The following PCDHGA9 variants were observed in gnomAD, a reference collection of about 807,000 sequenced individuals.
The protein encoded by PCDHGA9 is protocadherin gamma-A9.
Under a neutral mutation model 62.5 loss-of-function variants are expected in PCDHGA9, and 37 were observed. The observed-to-expected ratio is 0.59, with a 90% CI of 0.46 to 0.78. The LOEUF is 0.78. Ranked by LOEUF, PCDHGA9 falls within the 30% of genes least tolerant of loss-of-function variation. PCDHGA9 has a pLI of 0.00. For synonymous variants in PCDHGA9, 459 were observed against 484.6 expected (o/e 0.95, Z 0.69); for missense variants, 1,138 against 1,166.2 (o/e 0.98, Z 0.35).
At chr5:141,437,761 C>G (rs1200327020) in intron 1 of PCDHGA9, among the ~76,000 whole-genome samples, 3 of 144,682 alleles carry the variant, frequency 2.1e-5, no homozygotes, top group Admixed American at 7.0e-5. Flanking sequence ...TTTTTTGAGA[C>G]AGAGTCTCAA....
At position 141,511,345 on chromosome 5, in the gene PCDHGA9, T is replaced by A; in HGVS notation, c.*172T>A. The A allele has an allele frequency of 7.8e-6, 11 of 1,410,508 alleles. No individual in the cohort carries two copies. The highest frequency in any genetic ancestry group is 1.0e-5 in the Non-Finnish European group (11 of 1,060,682). 87.4% of individuals were successfully genotyped at this position (1,410,508 alleles called of 1,614,324 possible). ...AAGTGCCCAGTCAGCACCTACCCCT[T>A]CCCCCCCAGGGGGTTGAATATGCAA... On this transcript the variant is annotated 3_prime_UTR_variant, in exon 4 of 4. Transcript: ENST00000573521.
chr5:141,421,574 A>C, intron 1 of PCDHGA9: 1 of 1,613,924 alleles, frequency 6.2e-7, no homozygotes. Flanking sequence ...GACACCTTGA[A>C]GATTTACGGA....
chr5:141,440,373 G>A (rs866892003), intron 1 of PCDHGA9: 2 of 152,214 alleles, frequency 1.3e-5, no homozygotes, highest in Non-Finnish European at 2.9e-5. Context: ...GGCCGAGGCA[G>A]GAGAATCGCT....
intron 1 of PCDHGA9, chr5:141,441,162 G>T (rs1009205566): frequency 6.6e-6 from 1 of 152,166 alleles, no homozygotes; most frequent in African/African-American, 2.4e-5. Context: ...TCCTAGAGGC[G>T]ATTTTTACTT....
chr5:141,478,418 C>T, intron 1 of PCDHGA9: 1 of 1,613,650 alleles, frequency 6.2e-7, no homozygotes, highest in Non-Finnish European at 8.5e-7. Context: ...GGACTCCCGC[C>T]GCAGCGACCC....
intron 1 of PCDHGA9, chr5:141,423,106 G>A (rs562864937): frequency 1.2e-6 from 2 of 1,613,894 alleles, no homozygotes; most frequent in Admixed American, 1.7e-5. Context: ...CACGGGCGAG[G>A]TGCGTACAGC....
rs753030509 is a variant in PCDHGA9, at chr5:141,431,672, G to A, written c.2424+26296G>A. On this transcript the variant is annotated intron_variant, in intron 1 of 3. Transcript: ENST00000573521. The surrounding 1 kb of genome is among the most constrained non-coding windows in gnomAD (Gnocchi z 4.8). ...TAATTCAGGGACAATATCAACAATA[G>A]GGGAGTTGGACCACGAGGAGTCAGG... The A allele has an allele frequency of 9.3e-6, 15 of 1,614,110 alleles. No homozygotes were observed. Among genetic ancestry groups the A allele is most frequent in the African/African-American group, 4.0e-5 (3 of 74,948 alleles).
intron 1 of PCDHGA9, among the ~76,000 whole-genome samples, chr5:141,463,380 A>G (rs994170903): frequency 2.0e-5 from 3 of 149,876 alleles, no homozygotes; most frequent in Admixed American, 6.7e-5. Context: ...ACAGTCTGAA[A>G]GTTGTCTCCA....
In PCDHGA9 at chr5:141,414,114, T is replaced by C. The variant is rs145910780; in HGVS notation, c.2424+8738T>C. The C allele has an allele frequency of 2.0e-5, 32 of 1,592,348 alleles. 2 individuals carry two copies. In the East Asian group the frequency reaches 6.3e-4, roughly 32 times the overall value. ...TAAAAATATCAGAAAATCTAGATTA[T>C]GAAGAAACCGGTTTCTATGAAATAG... On this transcript the variant is annotated intron_variant, in intron 1 of 3. Coordinates refer to ENST00000573521, the MANE Select transcript of PCDHGA9 (RefSeq NM_018921.3).
chr5:141,501,017 C>T (rs1383853662), intron 2 of PCDHGA9, among the ~76,000 whole-genome samples: 5 of 151,866 alleles, frequency 3.3e-5, no homozygotes, highest in African/African-American at 7.3e-5. Flanking sequence ...TACAGGCACG[C>T]GCCACCACGC....
Position 141,405,106 on chromosome 5 carries a change from C to G in PCDHGA9, c.2154C>G (p.His718Gln). Reference protein sequence around the residue: ...VITLLALRLRHWHSSHLLRAT... With the variant: ...VITLLALRLRQWHSSHLLRAT... ...CGCTGCTGGCCCTCAGGCTGAGGCACTGGCACTCCTCGCATCTGCTGCGGG... is the reference window on the plus strand; with the variant it reads ...CGCTGCTGGCCCTCAGGCTGAGGCAGTGGCACTCCTCGCATCTGCTGCGGG... Residue 718 changes from histidine (H) to glutamine (Q), a missense_variant, in exon 1 of 4, where the codon CAC becomes CAG. By Grantham distance (24) the His-to-Gln change is conservative. Transcript: ENST00000573521. 6.2e-7 allele frequency: 1 copy of G among 1,613,964 alleles called. No individual in the cohort carries two copies. The highest frequency in any genetic ancestry group is 8.5e-7 in the Non-Finnish European group (1 of 1,179,840).
Position 141,414,015 on chromosome 5 carries a change from A to T in PCDHGA9, c.2424+8639A>T. ...ACAGGGACGAAGGTGCCAATGGAGA[A>T]GTGACATATTCATTCCGAAAATTAC... On this transcript the variant is annotated intron_variant, in intron 1 of 3. Coordinates refer to ENST00000573521, the MANE Select transcript of PCDHGA9 (RefSeq NM_018921.3). 6.2e-7 allele frequency: 1 copy of T among 1,613,160 alleles called. No individual in the cohort carries two copies.
At position 141,423,563 on chromosome 5, in the gene PCDHGA9, C is replaced by T. The variant is rs745802952; in HGVS notation, c.2424+18187C>T. 9.9e-6 allele frequency: 16 copies of T among 1,613,436 alleles called. No homozygotes were observed. In the Admixed American group the frequency reaches 2.3e-4, roughly 24 times the overall value. ...TTCCCCCAGCCCAACTATGGGGACA[C>T]GCTCATCAGCCAGGAGAGCTGTGAG... On this transcript the variant is annotated intron_variant, in intron 1 of 3. Coordinates refer to ENST00000573521, the MANE Select transcript of PCDHGA9 (RefSeq NM_018921.3).
At chr5:141,434,136 TC>T (rs2097674430) in intron 1 of PCDHGA9, among the ~76,000 whole-genome samples, 1 of 152,246 alleles carries the variant, frequency 6.6e-6, no homozygotes, top group Non-Finnish European at 1.5e-5. Context: ...TAGGCTGATT[TC>T]TATGTCCTTT....
chr5:141,492,720 A>G (rs1161942205), intron 1 of PCDHGA9, among the ~76,000 whole-genome samples: 1 of 152,256 alleles, frequency 6.6e-6, no homozygotes, highest in East Asian at 1.9e-4. Context: ...GCAGGCGGAC[A>G]GGCAGAGCTG....
intron 1 of PCDHGA9, among the ~76,000 whole-genome samples, chr5:141,438,678 G>C (rs2098050264): frequency 7.1e-6 from 1 of 140,560 alleles, no homozygotes; most frequent in African/African-American, 2.6e-5. Context: ...ATTTGGAGTA[G>C]GGGATGGAGT....
chr5:141,427,955 G>A (rs749241312), intron 1 of PCDHGA9: 1 of 1,587,202 alleles, frequency 6.3e-7, no homozygotes, highest in Non-Finnish European at 8.6e-7. Context: ...ATGACAATGT[G>A]CCGCGGGTGC....
At position 141,485,225 on chromosome 5, in the gene PCDHGA9, T is replaced by C; in HGVS notation, c.2425-9582T>C. The C allele has an allele frequency of 1.2e-6, 2 of 1,614,156 alleles. No homozygotes were observed. Among genetic ancestry groups the C allele is most frequent in the Non-Finnish European group, 1.7e-6 (2 of 1,180,010 alleles). On this transcript the variant is annotated intron_variant, in intron 1 of 3. Coordinates refer to ENST00000573521, the MANE Select transcript of PCDHGA9 (RefSeq NM_018921.3). The surrounding 1 kb of genome is among the most constrained non-coding windows in gnomAD (Gnocchi z 5.7). Reference sequence around the variant, plus strand: ...AGAAATCTGGCGGTGGGCTACCCTTTTGTTCCTCTTTTACCACCTGGGTTA... The same window carrying C: ...AGAAATCTGGCGGTGGGCTACCCTTCTGTTCCTCTTTTACCACCTGGGTTA...
At chr5:141,492,578 G>A (rs1380328678) in intron 1 of PCDHGA9, among the ~76,000 whole-genome samples, 1 of 152,216 alleles carries the variant, frequency 6.6e-6, no homozygotes, top group Non-Finnish European at 1.5e-5. Flanking sequence ...CGAGGCGCGG[G>A]GCCAGGAGCG....
Sources: gnomAD v4.1 joint callset for allele counts (sites outside exome capture counted in the v4.1 genomes callset) on GRCh38, gnomAD v4.1.1 for gene constraint, Gnocchi (gnomAD v3.1) non-coding constraint, MANE v1.5 for transcripts, NCBI Gene and HGNC (gene_info 2026-07-23, HGNC 2026-07-21) for gene names.